ACAP2: variants seen among roughly 807,000 people sequenced by gnomAD.
ACAP2 encodes ArfGAP with coiled-coil, ankyrin repeat and PH domains 2, also known as arf-GAP with coiled-coil, ANK repeat and PH domain-containing protein 2.
ACAP2 carries 39 observed loss-of-function variants against 115.8 expected under a neutral mutation model. The observed-to-expected ratio is 0.34, with a 90% CI of 0.26 to 0.44. The LOEUF is 0.44. Ranked by LOEUF, ACAP2 falls within the 20% of genes least tolerant of loss-of-function variation. The pLI, the probability that ACAP2 is intolerant of heterozygous loss-of-function variation, is 1.00. For synonymous variants in ACAP2, 289 were observed against 315.8 expected, an observed-to-expected ratio of 0.92 and a Z score of 0.90; for missense variants, 662 against 927.6, an observed-to-expected ratio of 0.71 and a Z score of 3.72.
chr3:195,279,252 G>A lies in ACAP2; in HGVS notation c.*76C>T, dbSNP rs1726329481. The A allele has an allele frequency of 5.5e-6, 5 of 902,474 alleles. No individual in the cohort carries two copies. The South Asian group carries it at 8.0e-5, about 15-fold the overall frequency. 55.9% of individuals were successfully genotyped at this position (902,474 alleles called of 1,614,324 possible). ...ACCAAAATTAAGTAGAATTAAAGCAGTAAAAAAATTGTGATTTTTTAGCTG... is the reference window on the plus strand; with the variant it reads ...ACCAAAATTAAGTAGAATTAAAGCAATAAAAAAATTGTGATTTTTTAGCTG... On this transcript the variant is annotated 3_prime_UTR_variant, in exon 23 of 23. Transcript: ENST00000326793.
At chr3:195,299,075 TTAAAG>T (rs1727849266) in intron 15 of ACAP2, among the ~76,000 whole-genome samples, 1 of 152,220 alleles carries the variant, frequency 6.6e-6, no homozygotes, top group South Asian at 2.1e-4. Flanking sequence ...TTTTTCATTT[TTAAAG>T]TAAAGATACT....
intron 1 of ACAP2, among the ~76,000 whole-genome samples, chr3:195,440,544 A>G (rs1715916692): frequency 6.6e-6 from 1 of 152,190 alleles, no homozygotes; most frequent in African/African-American, 2.4e-5. Flanking sequence ...AGCCCAATAG[A>G]TCAGGACACA....
intron 1 of ACAP2, among the ~76,000 whole-genome samples, chr3:195,427,085 C>CT (rs1441011766): frequency 1.3e-5 from 2 of 152,096 alleles, no homozygotes; most frequent in African/African-American, 4.8e-5. Context: ...CACAAGGGTC[C>CT]TTATCAGTAA....
intron 4 of ACAP2, among the ~76,000 whole-genome samples, chr3:195,377,138 C>CTTTTTTTTTTTTTTTTTTGTTTTT (rs1733603264): frequency 1.3e-5 from 1 of 77,082 alleles, no homozygotes; most frequent in Non-Finnish European, 2.3e-5. Context: ...GAATGTAAAT[C>CTTTTTTTTTTTTTTTTTTGTTTTT]TTTTTTTTTT....
chr3:195,389,872 T>C (rs1035275352), intron 2 of ACAP2, among the ~76,000 whole-genome samples: 2 of 152,106 alleles, frequency 1.3e-5, no homozygotes. Flanking sequence ...TGAAGTGCAG[T>C]GATGCGCAAG....
chr3:195,289,334 A>G, intron 20 of ACAP2, 103 bp from the exon 21 acceptor site: 1 of 773,470 alleles, frequency 1.3e-6, no homozygotes, highest in Non-Finnish European at 2.2e-6. Context: ...TTTCATTAGG[A>G]AATTCTTGAT....
chr3:195,315,276 C>T (rs546659222), intron 10 of ACAP2, among the ~76,000 whole-genome samples: 7 of 152,250 alleles, frequency 4.6e-5, no homozygotes, highest in Admixed American at 1.3e-4. Flanking sequence ...CTGCCTTGGC[C>T]TCCCAAACTG....
intron 1 of ACAP2, among the ~76,000 whole-genome samples, chr3:195,404,761 TAATATA>T (rs1445992552): frequency 1.4e-5 from 2 of 148,104 alleles, no homozygotes; most frequent in South Asian, 4.2e-4. Flanking sequence ...CGTATTTATA[TAATATA>T]AATATAATTA....
chr3:195,382,008 A>G lies in ACAP2; in HGVS notation c.126T>C (p.Cys42=). ...CTTTTCCAGTATCAATCATTGCAAT[A>G]CAAAGTTTCACAAGCTGAAAAAGAA... ...ELKLDKLVKL[C]IAMIDTGKAF... The change falls in exon 3 of 23, where the codon TGT becomes TGC. Residue 42 remains cysteine (C), a synonymous_variant. Coordinates refer to ENST00000326793, the MANE Select transcript of ACAP2 (RefSeq NM_012287.6). The G allele has an allele frequency of 1.2e-6, 2 of 1,600,688 alleles. No homozygotes were observed. Among genetic ancestry groups the G allele is most frequent in the Non-Finnish European group, 1.7e-6 (2 of 1,176,712 alleles).
chr3:195,420,594 C>T (rs1174384624), intron 1 of ACAP2, among the ~76,000 whole-genome samples: 4 of 151,950 alleles, frequency 2.6e-5, no homozygotes, highest in East Asian at 1.9e-4. Flanking sequence ...TCACCCGCCT[C>T]GGCCTCCCAA....
intron 13 of ACAP2, among the ~76,000 whole-genome samples, chr3:195,303,602 T>A (rs867292923): frequency 3.3e-5 from 5 of 151,850 alleles, no homozygotes; most frequent in Non-Finnish European, 7.4e-5. Flanking sequence ...CATAAATACA[T>A]ACATACATAC....
At chr3:195,292,678 T>C (rs530756676) in intron 18 of ACAP2, among the ~76,000 whole-genome samples, 6 of 151,968 alleles carry the variant, frequency 3.9e-5, no homozygotes, top group Non-Finnish European at 7.4e-5. Context: ...TCCCAGCACT[T>C]TGGGAGGCCG....
At chr3:195,308,527 C>T (rs1728559450) in intron 11 of ACAP2, among the ~76,000 whole-genome samples, 1 of 152,092 alleles carries the variant, frequency 6.6e-6, no homozygotes, top group Admixed American at 6.6e-5. Flanking sequence ...GCTATCAAAA[C>T]ATTTTAAACA....
At chr3:195,356,491 C>T (rs1731979829) in intron 4 of ACAP2, among the ~76,000 whole-genome samples, 1 of 152,154 alleles carries the variant, frequency 6.6e-6, no homozygotes, top group Non-Finnish European at 1.5e-5. Flanking sequence ...CCTAGTGAGA[C>T]ACCAGCCAAT....
intron 21 of ACAP2, among the ~76,000 whole-genome samples, chr3:195,288,554 C>T (rs1257580985): frequency 2.0e-5 from 3 of 152,096 alleles, no homozygotes; most frequent in Non-Finnish European, 4.4e-5. Flanking sequence ...AACCATACAA[C>T]AATTTTAAAA....
intron 15 of ACAP2, among the ~76,000 whole-genome samples, chr3:195,301,079 T>C (rs1728017451): frequency 6.6e-6 from 1 of 151,984 alleles, no homozygotes; most frequent in Admixed American, 6.6e-5. Flanking sequence ...ATAGCCTTTT[T>C]TTTTTCTTTT....
At chr3:195,437,082 C>T (rs1009259099) in intron 1 of ACAP2, among the ~76,000 whole-genome samples, 7 of 152,188 alleles carry the variant, frequency 4.6e-5, no homozygotes, top group African/African-American at 1.2e-4. Context: ...GGGTCTTGCT[C>T]TGTCTTCCAA....
At chr3:195,314,032 T>C (rs1007079122) in intron 10 of ACAP2, among the ~76,000 whole-genome samples, 7 of 152,258 alleles carry the variant, frequency 4.6e-5, no homozygotes, top group Non-Finnish European at 5.9e-5. Context: ...TTTTCACTTA[T>C]GCTATTTCAA....
chr3:195,370,385 C>T (rs1316743797), intron 4 of ACAP2, among the ~76,000 whole-genome samples: 5 of 152,018 alleles, frequency 3.3e-5, no homozygotes, highest in African/African-American at 9.7e-5. Context: ...GTTTTACACT[C>T]GAGTCTTTAA....
Sources: gnomAD v4.1 joint callset for allele counts (sites outside exome capture counted in the v4.1 genomes callset) on GRCh38, gnomAD v4.1.1 for gene constraint, MANE v1.5 for transcripts, NCBI Gene and HGNC (gene_info 2026-07-23, HGNC 2026-07-21) for gene names.